Variants in MTMR3 observed in about 807,000 individuals in gnomAD.
The protein encoded by MTMR3 is myotubularin related protein 3.
A neutral mutation model predicts 132.4 loss-of-function variants in MTMR3; 32 were observed. The observed-to-expected ratio is 0.24, with a 90% CI of 0.18 to 0.32. MTMR3 has a LOEUF of 0.32. MTMR3 is among the 10% of genes least tolerant of loss of function. MTMR3 has a pLI of 1.00. For missense variants in MTMR3, 1,216 were observed against 1,489.6 expected (o/e 0.82, Z 3.02); for synonymous variants, 556 against 550.3 (o/e 1.01, Z -0.14).
chr22:30,003,065 T>G, intron 9 of MTMR3, 72 bp downstream of exon 9: 1 of 1,215,830 alleles, frequency 8.2e-7, no homozygotes, highest in Non-Finnish European at 1.2e-6. Context: ...CTGCCTCTGC[T>G]GCTGCTAACC....
intron 1 of MTMR3, among the ~76,000 whole-genome samples, chr22:29,929,992 T>C (rs2145787821): frequency 6.6e-6 from 1 of 152,268 alleles, no homozygotes; most frequent in East Asian, 1.9e-4. Flanking sequence ...GGACAGCACA[T>C]AGATTGGGTT....
rs1288921122 is a variant in MTMR3, at chr22:30,027,658, G to T, written c.*1857G>T. The T allele has an allele frequency of 6.6e-6, 1 of 152,636 alleles. No homozygotes were observed. The highest frequency in any genetic ancestry group is 2.4e-5 in the African/African-American group (1 of 41,406). 9.5% of individuals were successfully genotyped at this position (152,636 alleles called of 1,614,324 possible). ...TGCAGCTCTTAGCTCTTTTTTGATCGATGAAGCACTTTTTTATTAATATTT... is the reference window on the plus strand; with the variant it reads ...TGCAGCTCTTAGCTCTTTTTTGATCTATGAAGCACTTTTTTATTAATATTT... On this transcript the variant is annotated 3_prime_UTR_variant, in exon 20 of 20. Coordinates refer to ENST00000401950, the MANE Select transcript of MTMR3 (RefSeq NM_021090.4).
Position 29,971,199 on chromosome 22 carries a change from G to C in MTMR3, c.3+137G>C, listed in dbSNP as rs565429989. On this transcript the variant is annotated intron_variant, in intron 3 of 19. Coordinates refer to ENST00000401950, the MANE Select transcript of MTMR3 (RefSeq NM_021090.4). The stretch of plus-strand genomic sequence containing the variant: ...TTTCTTTTTCTTTCCCAGATCTCTT[G>C]TGTCTTTTCTTTTCTTGTTTACTTA... The C allele has an allele frequency of 2.8e-4, 248 of 880,194 alleles. 1 individual carries two copies. The African/African-American group carries it at 4.1e-3, about 14-fold the overall frequency. 54.5% of individuals were successfully genotyped at this position (880,194 alleles called of 1,614,324 possible). A position where few individuals can be genotyped will look rare whatever the true frequency, so the allele number is the denominator to read the frequency against.
At chr22:30,022,227 C>G (rs2067778882) in intron 18 of MTMR3, 88 bp downstream of exon 18, 6 of 1,028,828 alleles carry the variant, frequency 5.8e-6, no homozygotes, top group Non-Finnish European at 8.9e-6. Context: ...TACCCCTGGC[C>G]AAGGAAGCAC....
At chr22:29,910,163 CAA>C (rs879637685) in intron 1 of MTMR3, among the ~76,000 whole-genome samples, 2 of 97,964 alleles carry the variant, frequency 2.0e-5, no homozygotes, top group Non-Finnish European at 2.2e-5. Flanking sequence ...GACTCCATCT[CAA>C]AAAAAAAAAA....
chr22:29,978,563 T>C, intron 4 of MTMR3, 32 bp downstream of exon 4: 1 of 1,536,488 alleles, frequency 6.5e-7, no homozygotes. Context: ...ATGTAAAATA[T>C]TTATTTAGCA....
chr22:29,998,742 G>GT lies in MTMR3; in HGVS notation c.461-16dup, dbSNP rs151302635. On this transcript the variant is annotated intron_variant, in intron 7 of 19. Transcript: ENST00000401950. ...TGGTATTCATTTCTTCCTTTCTGCTGTTTATCTTTGGCCTCTAGGGGAGCA... is the reference window on the plus strand; with the variant it reads ...TGGTATTCATTTCTTCCTTTCTGCTGTTTTATCTTTGGCCTCTAGGGGAGCA... The GT allele has an allele frequency of 0.16, 257,312 of 1,594,544 alleles. 21,758 individuals are homozygous for GT. The highest frequency in any genetic ancestry group is 0.23 in the South Asian group (20,393 of 88,092).
intron 1 of MTMR3, among the ~76,000 whole-genome samples, chr22:29,954,859 G>A (rs986064538): frequency 4.6e-5 from 7 of 152,056 alleles, no homozygotes; most frequent in African/African-American, 1.7e-4. Context: ...ATCATAGCTC[G>A]ATAACTTCAT....
intron 18 of MTMR3, 30 bp downstream of exon 18, chr22:30,022,169 A>G: frequency 6.4e-7 from 1 of 1,563,428 alleles, no homozygotes; most frequent in Non-Finnish European, 8.8e-7. Flanking sequence ...TCTGAGTGCC[A>G]TCAATTTAAC....
intron 2 of MTMR3, among the ~76,000 whole-genome samples, chr22:29,967,190 C>T (rs2066438199): frequency 9.8e-6 from 1 of 102,506 alleles, no homozygotes; most frequent in African/African-American, 3.8e-5. Context: ...CTCTTCACCT[C>T]TGTTGTGTGT....
intron 7 of MTMR3, chr22:29,994,245 C>T (rs2058994595): frequency 1.7e-6 from 1 of 584,186 alleles, no homozygotes; most frequent in Non-Finnish European, 2.2e-6. Context: ...TATACACAGT[C>T]CACATTGATG....
At chr22:30,016,071 A>G (rs944605539) in intron 14 of MTMR3, 7 of 179,326 alleles carry the variant, frequency 3.9e-5, no homozygotes, top group Non-Finnish European at 7.1e-5. Flanking sequence ...GACTAGAGCA[A>G]GCTCCATCAG....
At chr22:29,919,857 A>T (rs533566075) in intron 1 of MTMR3, among the ~76,000 whole-genome samples, 1 of 152,254 alleles carries the variant, frequency 6.6e-6, no homozygotes, top group East Asian at 1.9e-4. Context: ...ATATTTTTCT[A>T]GGTTAAACTC....
intron 13 of MTMR3, 89 bp from the exon 14 acceptor site, chr22:30,013,267 A>G: frequency 7.2e-7 from 1 of 1,395,056 alleles, no homozygotes; most frequent in Non-Finnish European, 9.9e-7. Context: ...AGGCTGTTAG[A>G]GGGGATTGCT....
intron 1 of MTMR3, among the ~76,000 whole-genome samples, chr22:29,945,630 G>A (rs151172337): frequency 4.0e-5 from 6 of 151,812 alleles, no homozygotes; most frequent in African/African-American, 1.2e-4. Context: ...GCTTGAGTCT[G>A]GGATCCTGAG....
At chr22:29,990,340 G>A (rs1446608325) in intron 6 of MTMR3, 2 of 152,086 alleles carry the variant, frequency 1.3e-5, no homozygotes, top group East Asian at 3.9e-4. Context: ...CCTCTTCTGG[G>A]GTGTCAGTAA....
intron 1 of MTMR3, among the ~76,000 whole-genome samples, chr22:29,895,014 C>T (rs1354690608): frequency 1.3e-5 from 2 of 152,116 alleles, no homozygotes; most frequent in Non-Finnish European, 1.5e-5. Context: ...TTGAGACCAG[C>T]CTGGCTAACA....
In MTMR3 at chr22:30,012,818, A is replaced by G. The variant is rs140002944; in HGVS notation, c.1317+255A>G. The G allele has an allele frequency of 4.0e-4, 136 of 341,608 alleles. 1 individual carries two copies. The highest frequency in any genetic ancestry group is 2.6e-3 in the African/African-American group (122 of 47,314). 21.2% of individuals were successfully genotyped at this position (341,608 alleles called of 1,614,324 possible). On this transcript the variant is annotated intron_variant, in intron 13 of 19. Coordinates refer to ENST00000401950, the MANE Select transcript of MTMR3 (RefSeq NM_021090.4). ...TTTCCTTTACAGTCTATCTACTTGT[A>G]AAAGTTTTTAGCTACCTCAGGAAAA... is the stretch of plus-strand genomic sequence containing the variant.
Position 30,020,658 on chromosome 22 carries a change from G to T in MTMR3, c.2999G>T (p.Arg1000Met). Residue 1000 changes from arginine to methionine, a missense_variant, in exon 17 of 20, where the codon AGG becomes ATG. Around this residue, in one of 7 missense-constraint regions of MTMR3, gnomAD observed 852 missense variants for 852.0 expected, o/e 1.00. Coordinates refer to ENST00000401950, the MANE Select transcript of MTMR3 (RefSeq NM_021090.4). ...HHKWLHSHSG[R>M]PSATSSPDQP... ...AAGTGGCTGCATAGCCACTCAGGAA[G>T]GCCATCTGCAACCAGCAGCCCCGAC... 1 of 1,614,202 alleles carries T rather than the reference G, an allele frequency of 6.2e-7. No homozygotes were observed.
Sources: allele counts gnomAD v4.1 joint callset (sites outside exome capture counted in the v4.1 genomes callset), GRCh38; gene constraint gnomAD v4.1.1; regional missense constraint gnomAD v4.1.1; transcripts MANE v1.5; gene names NCBI Gene and HGNC (gene_info 2026-07-23, HGNC 2026-07-21).